MBD5: variants seen among roughly 807,000 people sequenced by gnomAD.
MBD5 encodes methyl-CpG-binding domain protein 5.
In MBD5, 13 loss-of-function variants were observed where a neutral mutation model predicts 117.3. The ratio of observed to expected loss-of-function variants is 0.11; its 90% CI spans 0.07 to 0.18. The LOEUF (loss-of-function observed/expected upper bound fraction) is 0.18, where lower values mean the gene tolerates loss of function less well. Among genes scored for constraint, MBD5 ranks in the 10% least tolerant of loss-of-function variants. MBD5 has a pLI of 1.00. For synonymous variants in MBD5, 727 were observed against 766.4 expected, an observed-to-expected ratio of 0.95 and a Z score of 0.85; for missense variants, 1,879 against 2,093.8, an observed-to-expected ratio of 0.90 and a Z score of 2.00.
Position 148,512,930 on chromosome 2 carries a change from A to G in MBD5, c.5173A>G (p.Ile1725Val). 6.2e-7 allele frequency: 1 copy of G among 1,613,780 alleles called. No homozygotes were observed. The change falls in exon 14 of 14, where the codon ATC (isoleucine) becomes GTC (valine). Residue 1725 changes from isoleucine to valine, a missense_variant. This residue lies in a region of MBD5 where 135 missense variants were observed against 148.0 expected (regional missense o/e 0.91). Coordinates refer to ENST00000642680, the MANE Select transcript of MBD5 (RefSeq NM_001378120.1). ...MRPPKPKRRK[I>V]SR ...ACCCCCCAAACCCAAGAGGAGGAAG[A>G]TCTCCAGATAACAGAGACTACTCCA... is the stretch of plus-strand genomic sequence containing the variant.
intron 3 of MBD5, among the ~76,000 whole-genome samples, chr2:148,323,064 C>A (rs1447441373): frequency 6.6e-6 from 1 of 150,704 alleles, no homozygotes; most frequent in Non-Finnish European, 1.5e-5. Context: ...TCTCATTGTA[C>A]AATTCCCACC....
chr2:148,395,542 A>G (rs984783111), intron 4 of MBD5, among the ~76,000 whole-genome samples: 2 of 149,524 alleles, frequency 1.3e-5, no homozygotes, highest in African/African-American at 4.9e-5. Flanking sequence ...CTCCTGCTTC[A>G]GCCTCCCGAG....
chr2:148,500,839 C>T (rs1206721304), intron 11 of MBD5, among the ~76,000 whole-genome samples: 2 of 152,086 alleles, frequency 1.3e-5, no homozygotes, highest in Non-Finnish European at 2.9e-5. Context: ...CTTTCATATC[C>T]CCTTCATGTG....
chr2:148,099,123 G>A (rs1469992754), intron 1 of MBD5, among the ~76,000 whole-genome samples: 2 of 152,070 alleles, frequency 1.3e-5, no homozygotes, highest in Non-Finnish European at 2.9e-5. Flanking sequence ...TGGACAGGAG[G>A]AAAACTATCT....
At chr2:148,464,064 A>AGG in intron 7 of MBD5, 145 bp downstream of exon 7, 1 of 891,778 alleles carries the variant, frequency 1.1e-6, no homozygotes, top group Non-Finnish European at 1.7e-6. Flanking sequence ...ATTTTATTAC[A>AGG]AATAGCAAAC....
At chr2:148,179,380 A>G (rs1558960637) in intron 2 of MBD5, among the ~76,000 whole-genome samples, 1 of 151,678 alleles carries the variant, frequency 6.6e-6, no homozygotes, top group Non-Finnish European at 1.5e-5. Context: ...AGTAACTTCT[A>G]TCAAACCTGT....
intron 4 of MBD5, among the ~76,000 whole-genome samples, chr2:148,393,573 C>T (rs1281920755): frequency 6.6e-6 from 1 of 152,066 alleles, no homozygotes; most frequent in African/African-American, 2.4e-5. Context: ...AAAATTGATC[C>T]CTATGCACCA....
intron 4 of MBD5, among the ~76,000 whole-genome samples, chr2:148,426,129 C>G (rs1449206025): frequency 1.3e-5 from 2 of 152,136 alleles, no homozygotes; most frequent in African/African-American, 2.4e-5. Context: ...GAACTACAAA[C>G]CACTGCTCAA....
At chr2:148,065,675 C>T (rs1379312930) in intron 1 of MBD5, among the ~76,000 whole-genome samples, 1 of 152,056 alleles carries the variant, frequency 6.6e-6, no homozygotes, top group African/African-American at 2.4e-5. Flanking sequence ...TCAGGTAAAC[C>T]ATAGATGACA....
chr2:148,197,384 A>G (rs768373541), intron 2 of MBD5, among the ~76,000 whole-genome samples: 19 of 152,268 alleles, frequency 1.2e-4, no homozygotes, highest in African/African-American at 3.6e-4. Flanking sequence ...AAACAAACTA[A>G]TGATTGTTTG....
At chr2:148,352,520 C>T (rs1051522161) in intron 4 of MBD5, among the ~76,000 whole-genome samples, 1 of 152,036 alleles carries the variant, frequency 6.6e-6, no homozygotes, top group Non-Finnish European at 1.5e-5. Context: ...CACCCATTTC[C>T]CTTCCCTCAC....
intron 3 of MBD5, among the ~76,000 whole-genome samples, chr2:148,328,361 G>A (rs1263178133): frequency 2.6e-5 from 4 of 152,106 alleles, no homozygotes; most frequent in Non-Finnish European, 4.4e-5. Flanking sequence ...AGCTGTGGTG[G>A]GCTCCACCCA....
chr2:148,127,211 C>T (rs1229625362), intron 1 of MBD5, among the ~76,000 whole-genome samples: 2 of 152,076 alleles, frequency 1.3e-5, no homozygotes, highest in Non-Finnish European at 2.9e-5. Flanking sequence ...TTGTGGTCCG[C>T]CCACCTCGGC....
At chr2:148,234,204 A>G (rs1223428631) in intron 3 of MBD5, among the ~76,000 whole-genome samples, 2 of 152,184 alleles carry the variant, frequency 1.3e-5, no homozygotes, top group African/African-American at 4.8e-5. Context: ...AATTTTAAGT[A>G]GAATTCACTG....
chr2:148,275,437 G>C (rs1354696383), intron 3 of MBD5, among the ~76,000 whole-genome samples: 1 of 152,184 alleles, frequency 6.6e-6, no homozygotes, highest in African/African-American at 2.4e-5. Flanking sequence ...TCTCACGGGA[G>C]TGTGGGGTGG....
chr2:148,311,948 C>A (rs755256530), intron 3 of MBD5, among the ~76,000 whole-genome samples: 5 of 152,160 alleles, frequency 3.3e-5, no homozygotes, highest in African/African-American at 4.8e-5. Context: ...GTTGAAAATT[C>A]TTTTCTTTAA....
At chr2:148,119,909 T>G (rs1221532981) in intron 1 of MBD5, among the ~76,000 whole-genome samples, 1 of 46,154 alleles carries the variant, frequency 2.2e-5, no homozygotes, top group Non-Finnish European at 5.0e-5. Context: ...GTAATTTGCC[T>G]TTTTTTTTTT....
At chr2:148,110,887 T>C (rs565086725) in intron 1 of MBD5, among the ~76,000 whole-genome samples, 1 of 152,200 alleles carries the variant, frequency 6.6e-6, no homozygotes, top group Non-Finnish European at 1.5e-5. Flanking sequence ...TTATCATTTC[T>C]CATGAATCTT....
At chr2:148,022,350 G>C (rs1483064810) in intron 1 of MBD5, among the ~76,000 whole-genome samples, 2 of 151,578 alleles carry the variant, frequency 1.3e-5, no homozygotes, top group Non-Finnish European at 2.9e-5. Flanking sequence ...TTTTTTTTTG[G>C]TTAAATGTCT....
Sources: allele counts gnomAD v4.1 joint callset (sites outside exome capture counted in the v4.1 genomes callset), GRCh38; gene constraint gnomAD v4.1.1; regional missense constraint gnomAD v4.1.1; transcripts MANE v1.5; gene names NCBI Gene and HGNC (gene_info 2026-07-23, HGNC 2026-07-21).